Variants in TRIP4 observed in about 807,000 individuals in gnomAD.
TRIP4 encodes thyroid hormone receptor interactor 4.
In TRIP4, 54 loss-of-function variants were observed where a neutral mutation model predicts 81.8. The ratio of observed to expected loss-of-function variants is 0.66; its 90% confidence interval spans 0.53 to 0.83. TRIP4 has a LOEUF of 0.83. Ranked by LOEUF, TRIP4 falls within the 40% of genes least tolerant of loss-of-function variation. The pLI is 0.00. For missense variants in TRIP4, 662 were observed against 683.6 expected, an observed-to-expected ratio of 0.97 and a Z score of 0.35; for synonymous variants, 270 against 242.8, an observed-to-expected ratio of 1.11 and a Z score of -1.04.
intron 1 of TRIP4, among the ~76,000 whole-genome samples, chr15:64,390,160 TA>T (rs199844801): frequency 0.016 from 2,348 of 145,514 alleles, 46 homozygotes; most frequent in African/African-American, 0.055. Flanking sequence ...AATACAGTAT[TA>T]AAAAAAAAAG....
chr15:64,448,233 T>C (rs1892676136), intron 12 of TRIP4, among the ~76,000 whole-genome samples: 1 of 152,190 alleles, frequency 6.6e-6, no homozygotes, highest in African/African-American at 2.4e-5. Flanking sequence ...TAAAGTCCTG[T>C]GAGAAAATGT....
chr15:64,399,109 C>T (rs1900383620), intron 4 of TRIP4, among the ~76,000 whole-genome samples: 3 of 151,828 alleles, frequency 2.0e-5, no homozygotes, highest in African/African-American at 7.3e-5. Flanking sequence ...ACCACCACGC[C>T]CAGCTAATTT....
At chr15:64,454,184 C>G (rs1430179946) in intron 12 of TRIP4, among the ~76,000 whole-genome samples, 1 of 149,724 alleles carries the variant, frequency 6.7e-6, no homozygotes, top group Non-Finnish European at 1.5e-5. Context: ...CTATTTTCAG[C>G]ATAAGCATCA....
chr15:64,406,131 T>C (rs983800531), intron 5 of TRIP4, among the ~76,000 whole-genome samples, 199 bp from the exon 6 acceptor site: 1 of 152,252 alleles, frequency 6.6e-6, no homozygotes, highest in Admixed American at 6.5e-5. Flanking sequence ...TGCCATTTAT[T>C]GAAAACCTGT....
At chr15:64,414,246 G>A (rs2140295120) in intron 8 of TRIP4, 35 bp downstream of exon 8, 1 of 1,608,728 alleles carries the variant, frequency 6.2e-7, no homozygotes, top group South Asian at 1.1e-5. Context: ...TTAATAAGAA[G>A]TTTGGCCCCA....
chr15:64,414,051 C>A, intron 7 of TRIP4, 34 bp from the exon 8 acceptor site: 1 of 1,609,758 alleles, frequency 6.2e-7, no homozygotes, highest in Non-Finnish European at 8.5e-7. Context: ...TAGAACATTA[C>A]CAATTGTTGC....
At chr15:64,411,984 A>G (rs1445871284) in intron 7 of TRIP4, among the ~76,000 whole-genome samples, 1 of 152,170 alleles carries the variant, frequency 6.6e-6, no homozygotes, top group Non-Finnish European at 1.5e-5. Context: ...CCGGCACTAA[A>G]TTGTGCATAC....
intron 11 of TRIP4, among the ~76,000 whole-genome samples, chr15:64,436,205 G>A (rs1442217631): frequency 6.6e-6 from 1 of 151,252 alleles, no homozygotes; most frequent in Non-Finnish European, 1.5e-5. Context: ...TGAGGCAGGA[G>A]AATCCCTTGA....
intron 5 of TRIP4, among the ~76,000 whole-genome samples, chr15:64,403,894 G>A (rs1891566756): frequency 6.6e-6 from 1 of 152,000 alleles, no homozygotes; most frequent in Non-Finnish European, 1.5e-5. Flanking sequence ...AGATTATTTT[G>A]TCAAAATATA....
intron 4 of TRIP4, among the ~76,000 whole-genome samples, chr15:64,398,296 A>G (rs946801439): frequency 6.6e-6 from 1 of 151,824 alleles, no homozygotes; most frequent in Admixed American, 6.6e-5. Context: ...GGCCAGGCAC[A>G]GTGGCACACG....
chr15:64,431,504 C>T (rs1182489174), intron 11 of TRIP4, among the ~76,000 whole-genome samples: 1 of 151,888 alleles, frequency 6.6e-6, no homozygotes, highest in Non-Finnish European at 1.5e-5. Flanking sequence ...GAGTTCAAGA[C>T]CAGCCTGGCC....
intron 11 of TRIP4, among the ~76,000 whole-genome samples, chr15:64,441,212 G>C (rs550263453): frequency 3.8e-4 from 58 of 151,938 alleles, no homozygotes; most frequent in African/African-American, 1.0e-3. Flanking sequence ...TAGCCAGGAT[G>C]GTCTCAATCT....
intron 3 of TRIP4, among the ~76,000 whole-genome samples, chr15:64,397,291 T>G (rs1900322548): frequency 1.3e-5 from 2 of 152,242 alleles, no homozygotes; most frequent in African/African-American, 4.8e-5. Context: ...TTGTTTCTTA[T>G]GATCTCCAAT....
At chr15:64,420,222 A>G (rs1475510383) in intron 9 of TRIP4, among the ~76,000 whole-genome samples, 1 of 150,668 alleles carries the variant, frequency 6.6e-6, no homozygotes, top group African/African-American at 2.4e-5. Context: ...CCCGGGTTCA[A>G]GCCATTCTCC....
intron 11 of TRIP4, among the ~76,000 whole-genome samples, chr15:64,426,071 A>G (rs963505829): frequency 6.6e-6 from 1 of 151,956 alleles, no homozygotes; most frequent in Non-Finnish European, 1.5e-5. Context: ...CAACCGAGTG[A>G]GATTCCTTCT....
At chr15:64,430,100 A>G (rs72741321) in intron 11 of TRIP4, among the ~76,000 whole-genome samples, 1 of 152,366 alleles carries the variant, frequency 6.6e-6, no homozygotes, top group Non-Finnish European at 1.5e-5. Context: ...TTTTAAAATC[A>G]AGTGCACTAC....
At chr15:64,431,787 TG>T (rs1892275346) in intron 11 of TRIP4, among the ~76,000 whole-genome samples, 1 of 148,972 alleles carries the variant, frequency 6.7e-6, no homozygotes, top group African/African-American at 2.5e-5. Context: ...ATTTGCAGTC[TG>T]GGTATTAAGT....
intron 3 of TRIP4, 60 bp downstream of exon 3, chr15:64,395,591 A>C: frequency 6.5e-7 from 1 of 1,534,788 alleles, no homozygotes; most frequent in Non-Finnish European, 8.8e-7. Context: ...TGACTAATAC[A>C]TTTCAGAGAG....
Position 64,455,184 on chromosome 15 carries a change from C to A in TRIP4, c.*120C>A. 1 of 784,852 alleles carries A rather than the reference C, an allele frequency of 1.3e-6. No homozygotes were observed. Among genetic ancestry groups the A allele is most frequent in the South Asian group, 2.5e-5 (1 of 40,020 alleles). 48.6% of individuals were successfully genotyped at this position (784,852 alleles called of 1,614,324 possible). On this transcript the variant is annotated 3_prime_UTR_variant, in exon 13 of 13. Transcript: ENST00000261884. ...GGCTTGGCGTCAGGCTTGAATATCT[C>A]AGAACTTAAACTCTTACCAAAATCT...
Sources: gnomAD v4.1 joint callset for allele counts (sites outside exome capture counted in the v4.1 genomes callset) on GRCh38, gnomAD v4.1.1 for gene constraint, MANE v1.5 for transcripts, NCBI Gene and HGNC (gene_info 2026-07-23, HGNC 2026-07-21) for gene names.